The following DGKB variants were observed in gnomAD, a reference collection of about 807,000 sequenced individuals.
DGKB encodes the protein diacylglycerol kinase beta.
In DGKB, 67 loss-of-function variants were observed where a neutral mutation model predicts 114.3. The ratio of observed to expected loss-of-function variants is 0.59; its 90% CI spans 0.48 to 0.72. The LOEUF (loss-of-function observed/expected upper bound fraction) is 0.72. DGKB is among the 30% of genes least tolerant of loss of function. The pLI, the probability that DGKB is intolerant of heterozygous loss-of-function variation, is 0.00. For missense variants in DGKB, 907 were observed against 975.2 expected (o/e 0.93, Z 0.93); for synonymous variants, 398 against 323.1 (o/e 1.23, Z -2.49).
At chr7:14,760,405 A>C (rs1835515194) in intron 2 of DGKB, among the ~76,000 whole-genome samples, 1 of 152,152 alleles carries the variant, frequency 6.6e-6, no homozygotes, top group Non-Finnish European at 1.5e-5. Context: ...AAAAAATTAC[A>C]ATAATTGCTT....
At chr7:14,272,945 T>C (rs920540670) in intron 23 of DGKB, among the ~76,000 whole-genome samples, 11 of 152,166 alleles carry the variant, frequency 7.2e-5, no homozygotes, top group Admixed American at 2.0e-4. Flanking sequence ...CATGGAATAG[T>C]TGAGTGAAAG....
intron 20 of DGKB, among the ~76,000 whole-genome samples, chr7:14,508,692 T>C (rs1787497603): frequency 6.6e-6 from 1 of 152,182 alleles, no homozygotes. Flanking sequence ...GTTAGATAAG[T>C]TGATACTGAA....
At chr7:14,651,343 T>A (rs1040806536) in intron 13 of DGKB, among the ~76,000 whole-genome samples, 28 of 151,692 alleles carry the variant, frequency 1.8e-4, no homozygotes, top group Admixed American at 1.5e-3. Flanking sequence ...GCTGGTTCAA[T>A]ACACGCAAAT....
intron 23 of DGKB, among the ~76,000 whole-genome samples, chr7:14,300,416 A>C (rs559430605): frequency 6.6e-6 from 1 of 152,292 alleles, no homozygotes; most frequent in African/African-American, 2.4e-5. Flanking sequence ...TTAAATGGTT[A>C]ATGATATGAC....
At chr7:14,209,774 G>T (rs1224129163) in intron 23 of DGKB, among the ~76,000 whole-genome samples, 1 of 152,020 alleles carries the variant, frequency 6.6e-6, no homozygotes, top group Non-Finnish European at 1.5e-5. Flanking sequence ...TTATTTTCAT[G>T]TTTTGGCAAC....
chr7:14,598,864 T>C (rs1387618858), intron 17 of DGKB, among the ~76,000 whole-genome samples: 2 of 152,156 alleles, frequency 1.3e-5, no homozygotes, highest in African/African-American at 2.4e-5. Context: ...ATCTAACCTA[T>C]GATTTGTCAA....
intron 23 of DGKB, among the ~76,000 whole-genome samples, chr7:14,337,763 C>G (rs1431487026): frequency 6.6e-6 from 1 of 152,014 alleles, no homozygotes; most frequent in Non-Finnish European, 1.5e-5. Context: ...TAGGTAAATT[C>G]TAGAAGGTAA....
At chr7:14,662,390 G>T (rs4317471) in intron 13 of DGKB, among the ~76,000 whole-genome samples, 3 of 151,718 alleles carry the variant, frequency 2.0e-5, no homozygotes, top group Non-Finnish European at 1.5e-5. Flanking sequence ...TTCTTCATTA[G>T]GAATGGGTTT....
intron 23 of DGKB, among the ~76,000 whole-genome samples, chr7:14,196,148 G>A (rs1784993319): frequency 6.6e-6 from 1 of 152,050 alleles, no homozygotes; most frequent in South Asian, 2.1e-4. Context: ...AGAACAGTGT[G>A]TGTATTTAAG....
At chr7:14,523,383 A>G (rs1790099653) in intron 20 of DGKB, among the ~76,000 whole-genome samples, 1 of 152,196 alleles carries the variant, frequency 6.6e-6, no homozygotes, top group South Asian at 2.1e-4. Flanking sequence ...GGTATGAGCC[A>G]TAGCCATGCA....
chr7:14,658,048 C>T (rs562392566), intron 13 of DGKB, among the ~76,000 whole-genome samples: 22 of 151,970 alleles, frequency 1.4e-4, no homozygotes, highest in African/African-American at 5.1e-4. Flanking sequence ...GACTTAATCA[C>T]CATATTTACA....
chr7:14,152,524 TCTC>T (rs1782372375), intron 25 of DGKB, among the ~76,000 whole-genome samples: 1 of 151,898 alleles, frequency 6.6e-6, no homozygotes, highest in Non-Finnish European at 1.5e-5. Context: ...AACTCTTCCT[TCTC>T]CTTATCATGT....
chr7:14,492,182 A>G (rs1419994023), intron 20 of DGKB, among the ~76,000 whole-genome samples: 3 of 152,094 alleles, frequency 2.0e-5, no homozygotes, highest in Non-Finnish European at 4.4e-5. Context: ...GCTCCTGTTA[A>G]TCTTTGCTTT....
At chr7:14,657,071 C>T (rs1815988370) in intron 13 of DGKB, among the ~76,000 whole-genome samples, 1 of 151,628 alleles carries the variant, frequency 6.6e-6, no homozygotes, top group South Asian at 2.1e-4. Flanking sequence ...AGGCTGGGTC[C>T]CTTCCAGTTT....
chr7:14,930,060 T>C (rs1784928262), intron 1 of DGKB, among the ~76,000 whole-genome samples: 1 of 152,174 alleles, frequency 6.6e-6, no homozygotes. Flanking sequence ...CTGGGTTCTC[T>C]ATTCTGTCCC....
intron 1 of DGKB, among the ~76,000 whole-genome samples, chr7:14,957,904 G>A (rs928845094): frequency 6.6e-6 from 1 of 151,912 alleles, no homozygotes; most frequent in African/African-American, 2.4e-5. Flanking sequence ...GTTGACTCTC[G>A]TAGCACTATA....
At chr7:14,314,364 A>G (rs1449366986) in intron 23 of DGKB, among the ~76,000 whole-genome samples, 2 of 151,328 alleles carry the variant, frequency 1.3e-5, no homozygotes, top group Non-Finnish European at 3.0e-5. Flanking sequence ...AACCAAAGGC[A>G]AAGAAGTTGA....
At chr7:14,639,672 T>C (rs1172395004) in intron 13 of DGKB, among the ~76,000 whole-genome samples, 2 of 152,258 alleles carry the variant, frequency 1.3e-5, no homozygotes, top group African/African-American at 4.8e-5. Context: ...GGGCCAAGGC[T>C]AAACTATCAC....
intron 23 of DGKB, among the ~76,000 whole-genome samples, chr7:14,331,277 C>G (rs1051756629): frequency 6.6e-6 from 1 of 151,930 alleles, no homozygotes; most frequent in Non-Finnish European, 1.5e-5. Flanking sequence ...AAACGCCATA[C>G]TATTTTTCAA....
Sources: gnomAD v4.1 joint callset for allele counts (sites outside exome capture counted in the v4.1 genomes callset) on GRCh38, gnomAD v4.1.1 for gene constraint, MANE v1.5 for transcripts, NCBI Gene and HGNC (gene_info 2026-07-23, HGNC 2026-07-21) for gene names.